The following BRINP3 variants were observed in gnomAD, a reference collection of about 807,000 sequenced individuals.
The protein encoded by BRINP3 is BMP/retinoic acid-inducible neural-specific protein 3.
In BRINP3, 19 loss-of-function variants were observed where a neutral mutation model predicts 71.0. The ratio of observed to expected loss-of-function variants is 0.27; its 90% CI spans 0.19 to 0.39. The LOEUF is 0.39. Ranked by LOEUF, BRINP3 falls within the 10% of genes least tolerant of loss-of-function variation. The pLI is 1.00. For synonymous variants in BRINP3, 380 were observed against 337.7 expected, an observed-to-expected ratio of 1.13 and a Z score of -1.37; for missense variants, 959 against 940.8, an observed-to-expected ratio of 1.02 and a Z score of -0.25.
intron 4 of BRINP3, among the ~76,000 whole-genome samples, chr1:190,247,578 C>T (rs1659724526): frequency 6.6e-6 from 1 of 151,836 alleles, no homozygotes; most frequent in African/African-American, 2.4e-5. Context: ...CTCATCTATC[C>T]TATCTAGCTG....
At chr1:190,430,861 G>T (rs147602372) in intron 2 of BRINP3, among the ~76,000 whole-genome samples, 1,833 of 152,176 alleles carry the variant, frequency 0.012, 17 homozygotes, top group South Asian at 0.036. Flanking sequence ...AATTGAAACA[G>T]TTCAATCCCA....
chr1:190,115,933 G>A (rs375140659), intron 7 of BRINP3, among the ~76,000 whole-genome samples: 1 of 152,086 alleles, frequency 6.6e-6, no homozygotes, highest in African/African-American at 2.4e-5. Flanking sequence ...GAAAGCAAAT[G>A]GATTACCTCA....
chr1:190,351,770 T>C (rs1328355240), intron 2 of BRINP3, among the ~76,000 whole-genome samples: 2 of 152,096 alleles, frequency 1.3e-5, no homozygotes, highest in Non-Finnish European at 2.9e-5. Flanking sequence ...CAGATATAAA[T>C]TAACAATAAT....
chr1:190,260,009 C>CAG (rs1359706752), intron 4 of BRINP3, among the ~76,000 whole-genome samples: 1 of 135,000 alleles, frequency 7.4e-6, no homozygotes, highest in African/African-American at 2.8e-5. Flanking sequence ...GCCTGGGCAA[C>CAG]AGAGTGAGAC....
chr1:190,414,231 A>G (rs1426472426), intron 2 of BRINP3, among the ~76,000 whole-genome samples: 1 of 152,170 alleles, frequency 6.6e-6, no homozygotes, highest in Non-Finnish European at 1.5e-5. Flanking sequence ...TGGCATAGTC[A>G]GAGTTTTCTG....
chr1:190,418,980 A>C (rs1673184835), intron 2 of BRINP3, among the ~76,000 whole-genome samples: 1 of 152,180 alleles, frequency 6.6e-6, no homozygotes, highest in East Asian at 1.9e-4. Context: ...TGCTTCCTAA[A>C]GTATTTGTGT....
chr1:190,414,193 T>C (rs926202503), intron 2 of BRINP3, among the ~76,000 whole-genome samples: 2 of 152,278 alleles, frequency 1.3e-5, no homozygotes, highest in East Asian at 3.9e-4. Flanking sequence ...CAGCAAAATA[T>C]TCCTATGTCT....
At chr1:190,377,591 TAC>T (rs1319934854) in intron 2 of BRINP3, among the ~76,000 whole-genome samples, 2 of 148,576 alleles carry the variant, frequency 1.3e-5, no homozygotes, top group Non-Finnish European at 3.0e-5. Context: ...TTTATATATA[TAC>T]ATATATAATA....
intron 1 of BRINP3, among the ~76,000 whole-genome samples, chr1:190,464,771 G>C (rs1676628476): frequency 6.6e-6 from 1 of 151,686 alleles, no homozygotes; most frequent in Non-Finnish European, 1.5e-5. Context: ...TATTATACAA[G>C]TTAATACCGA....
chr1:190,139,909 C>G (rs1342117006), intron 7 of BRINP3, among the ~76,000 whole-genome samples: 1 of 152,156 alleles, frequency 6.6e-6, no homozygotes, highest in African/African-American at 2.4e-5. Context: ...ATCCTTGTCT[C>G]TGAGGGCTTG....
intron 6 of BRINP3, among the ~76,000 whole-genome samples, chr1:190,205,428 G>A (rs912438473): frequency 3.3e-5 from 5 of 152,020 alleles, no homozygotes; most frequent in African/African-American, 1.2e-4. Flanking sequence ...GTACTATAGA[G>A]GATGAATAAG....
At chr1:190,218,378 TTTATACAATTCCA>T (rs1371699067) in intron 6 of BRINP3, among the ~76,000 whole-genome samples, 1 of 152,132 alleles carries the variant, frequency 6.6e-6, no homozygotes, top group Non-Finnish European at 1.5e-5. Context: ...TCCTTCAAGC[TTTATACAATTCCA>T]TTGTGTAAAT....
chr1:190,441,283 TG>T (rs1488620169), intron 2 of BRINP3, among the ~76,000 whole-genome samples: 9 of 152,176 alleles, frequency 5.9e-5, no homozygotes, highest in Middle Eastern at 3.4e-3. Flanking sequence ...ATATTTTCAA[TG>T]GAATGTAAGG....
intron 2 of BRINP3, among the ~76,000 whole-genome samples, chr1:190,307,070 G>C (rs1665153026): frequency 6.6e-6 from 1 of 151,628 alleles, no homozygotes; most frequent in Non-Finnish European, 1.5e-5. Flanking sequence ...ACTCTGTCTT[G>C]TATAGTGCGT....
In BRINP3 at chr1:190,454,855, G is replaced by A. The variant is rs1323971062; in HGVS notation, c.36C>T (p.Phe12=). The A allele has an allele frequency of 1.9e-6, 3 of 1,614,008 alleles. No homozygotes were observed. Among genetic ancestry groups the A allele is most frequent in the Non-Finnish European group, 8.5e-7 (1 of 1,180,026 alleles). ...IWRSRAGAEL[F]SLMALWEWIA... is the part of the protein sequence containing the mutation. ...TCCACTCCCATAGAGCCATCAGAGA[G>A]AACAATTCAGCACCAGCTCTGCTTC... Residue 12 remains phenylalanine, a synonymous_variant, in exon 2 of 8, where the codon TTC becomes TTT. Transcript: ENST00000367462.
chr1:190,210,755 C>T (rs981224333), intron 6 of BRINP3, among the ~76,000 whole-genome samples: 3 of 152,014 alleles, frequency 2.0e-5, no homozygotes, highest in Admixed American at 1.3e-4. Flanking sequence ...CTGGGTATGT[C>T]TGTGAGAGTG....
chr1:190,427,134 CTT>C (rs904003512), intron 2 of BRINP3, among the ~76,000 whole-genome samples: 15 of 151,944 alleles, frequency 9.9e-5, no homozygotes, highest in African/African-American at 3.4e-4. Flanking sequence ...TTTGAAAACA[CTT>C]ATATTTATCT....
At chr1:190,361,578 T>A (rs1669150665) in intron 2 of BRINP3, among the ~76,000 whole-genome samples, 1 of 151,940 alleles carries the variant, frequency 6.6e-6, no homozygotes. Context: ...AATTTTTGTA[T>A]TTTTGGTGGA....
chr1:190,395,474 T>G lies in BRINP3; in HGVS notation c.236+59181A>C, dbSNP rs180865327. ...CTCCAGATTTTCTAATGTATTTCAATGAAACAAACCATTGCTTCATCTTCA... is the reference window on the plus strand; with the variant it reads ...CTCCAGATTTTCTAATGTATTTCAAGGAAACAAACCATTGCTTCATCTTCA... On this transcript the variant is annotated intron_variant, in intron 2 of 7. Transcript: ENST00000367462. Among the ~76,000 whole-genome samples, 87 of 151,902 alleles carry G rather than the reference T, an allele frequency of 5.7e-4. 2 individuals are homozygous for G. The East Asian group carries it at 0.016, about 28-fold the overall frequency.
Sources: allele counts gnomAD v4.1 joint callset (sites outside exome capture counted in the v4.1 genomes callset), GRCh38; gene constraint gnomAD v4.1.1; transcripts MANE v1.5; gene names NCBI Gene and HGNC (gene_info 2026-07-23, HGNC 2026-07-21).